Variants in OLA1 observed in about 807,000 individuals in gnomAD.
OLA1 encodes Obg like ATPase 1.
OLA1 carries 14 observed loss-of-function variants against 48.4 expected under a neutral mutation model. The observed-to-expected ratio is 0.29, with a 90% CI of 0.19 to 0.45. The LOEUF (loss-of-function observed/expected upper bound fraction) is 0.45. Ranked by LOEUF, OLA1 falls within the 20% of genes least tolerant of loss-of-function variation. OLA1 has a pLI of 1.00. For synonymous variants in OLA1, 127 were observed against 150.4 expected, an observed-to-expected ratio of 0.84 and a Z score of 1.14; for missense variants, 325 against 467.1, an observed-to-expected ratio of 0.70 and a Z score of 2.80.
At chr2:174,096,115 A>G (rs1345485745) in intron 7 of OLA1, among the ~76,000 whole-genome samples, 4 of 152,204 alleles carry the variant, frequency 2.6e-5, no homozygotes, top group African/African-American at 9.6e-5. Context: ...ATAAAAAGAA[A>G]TGAGGTACTG....
At chr2:174,091,288 G>A (rs1316559844) in intron 7 of OLA1, among the ~76,000 whole-genome samples, 1 of 152,192 alleles carries the variant, frequency 6.6e-6, no homozygotes, top group Non-Finnish European at 1.5e-5. Context: ...GAAGAGAAAG[G>A]GCAGGGAGAA....
intron 4 of OLA1, among the ~76,000 whole-genome samples, chr2:174,156,238 T>C (rs1686873986): frequency 6.6e-6 from 1 of 152,176 alleles, no homozygotes; most frequent in Non-Finnish European, 1.5e-5. Context: ...AGGGCTGACC[T>C]GTGCATTGTA....
intron 2 of OLA1, chr2:174,240,519 C>A (rs1053175619): frequency 6.6e-6 from 1 of 151,028 alleles, no homozygotes; most frequent in Non-Finnish European, 1.5e-5. Context: ...GGCAAGAGAT[C>A]ATTGTAATAC....
chr2:174,093,596 C>A (rs1685176759), intron 7 of OLA1, among the ~76,000 whole-genome samples: 1 of 152,186 alleles, frequency 6.6e-6, no homozygotes, highest in South Asian at 2.1e-4. Flanking sequence ...ACACTTTGTA[C>A]TCGGACGTCT....
intron 5 of OLA1, among the ~76,000 whole-genome samples, chr2:174,129,725 T>C (rs1305244737): frequency 1.3e-5 from 2 of 152,094 alleles, no homozygotes; most frequent in Non-Finnish European, 2.9e-5. Flanking sequence ...ATCACTGTTA[T>C]AATAGGAAAA....
At chr2:174,086,342 G>C (rs879363935) in intron 7 of OLA1, among the ~76,000 whole-genome samples, 1 of 152,060 alleles carries the variant, frequency 6.6e-6, no homozygotes, top group African/African-American at 2.4e-5. Flanking sequence ...CCTGGAAACT[G>C]TTCCTTGACT....
chr2:174,192,934 T>C (rs868113286), intron 4 of OLA1, among the ~76,000 whole-genome samples: 1 of 152,268 alleles, frequency 6.6e-6, no homozygotes. Flanking sequence ...TTACCTTTCA[T>C]TTTAAGCAGC....
chr2:174,211,931 A>C (rs915322749), intron 4 of OLA1, among the ~76,000 whole-genome samples: 1 of 152,158 alleles, frequency 6.6e-6, no homozygotes, highest in Admixed American at 6.5e-5. Context: ...TATCAGAAAA[A>C]TTTTAAATTA....
chr2:174,099,415 A>T (rs1177698831), intron 7 of OLA1, among the ~76,000 whole-genome samples: 1 of 152,152 alleles, frequency 6.6e-6, no homozygotes, highest in Admixed American at 6.5e-5. Context: ...TGGCCTCCTG[A>T]AGTGCTGGGG....
intron 5 of OLA1, among the ~76,000 whole-genome samples, chr2:174,134,933 C>T (rs968488441): frequency 1.3e-5 from 2 of 151,820 alleles, no homozygotes; most frequent in East Asian, 1.9e-4. Context: ...AGGCTGAGGC[C>T]GGCGGATCAC....
intron 10 of OLA1, 83 bp from the exon 11 acceptor site, chr2:174,075,610 G>C: frequency 5.0e-6 from 4 of 801,152 alleles, no homozygotes. Context: ...GATATAAAAA[G>C]TATTATACTA....
At chr2:174,078,392 C>T (rs1574468072) in intron 10 of OLA1, among the ~76,000 whole-genome samples, 1 of 151,916 alleles carries the variant, frequency 6.6e-6, no homozygotes, top group East Asian at 1.9e-4. Flanking sequence ...AACAAGTCAT[C>T]TACTACTCAT....
chr2:174,164,329 G>A (rs74954580), intron 4 of OLA1, among the ~76,000 whole-genome samples: 10,072 of 63,712 alleles, frequency 0.16, 490 homozygotes, highest in Non-Finnish European at 0.2. Context: ...AGGTTAGAAG[G>A]TTAGAGTTGG....
intron 7 of OLA1, among the ~76,000 whole-genome samples, chr2:174,105,179 T>C (rs1219883712): frequency 1.3e-5 from 2 of 151,824 alleles, no homozygotes; most frequent in African/African-American, 2.4e-5. Context: ...GTATATCTTG[T>C]TGAAATAGAA....
chr2:174,196,275 T>A (rs1361251152), intron 4 of OLA1, among the ~76,000 whole-genome samples: 1 of 152,132 alleles, frequency 6.6e-6, no homozygotes, highest in African/African-American at 2.4e-5. Context: ...CATGAATGTA[T>A]CATATTAAGA....
chr2:174,115,277 T>A (rs1016799009), intron 7 of OLA1, among the ~76,000 whole-genome samples: 1 of 152,186 alleles, frequency 6.6e-6, no homozygotes, highest in Non-Finnish European at 1.5e-5. Context: ...TTCTTTGAAG[T>A]TGTACATCGA....
chr2:174,168,595 C>T (rs1687222311), intron 4 of OLA1, among the ~76,000 whole-genome samples: 1 of 152,012 alleles, frequency 6.6e-6, no homozygotes, highest in South Asian at 2.1e-4. Context: ...TCTATTAAAA[C>T]TACCTTCAAT....
intron 4 of OLA1, among the ~76,000 whole-genome samples, chr2:174,155,120 T>G (rs1686843895): frequency 6.6e-6 from 1 of 152,214 alleles, no homozygotes; most frequent in Non-Finnish European, 1.5e-5. Flanking sequence ...ACCTATAGCA[T>G]GTACATCTAG....
chr2:174,182,488 T>C (rs1219863027), intron 4 of OLA1, among the ~76,000 whole-genome samples: 1 of 151,846 alleles, frequency 6.6e-6, no homozygotes, highest in African/African-American at 2.4e-5. Context: ...ATCGTGCCAT[T>C]GCAACTCCAG....
Sources: allele counts gnomAD v4.1 joint callset (sites outside exome capture counted in the v4.1 genomes callset), GRCh38; gene constraint gnomAD v4.1.1; transcripts MANE v1.5; gene names NCBI Gene and HGNC (gene_info 2026-07-23, HGNC 2026-07-21).